The following AFF3 variants were observed in gnomAD, a reference collection of about 807,000 sequenced individuals.
AFF3 encodes the protein AF4/FMR2 family member 3.
A neutral mutation model predicts 129.7 loss-of-function variants in AFF3; 32 were observed. The ratio of observed to expected loss-of-function variants is 0.25; its 90% CI spans 0.19 to 0.33. The LOEUF (loss-of-function observed/expected upper bound fraction) is 0.33, where lower values mean the gene tolerates loss of function less well. Ranked by LOEUF, AFF3 falls within the 10% of genes least tolerant of loss-of-function variation. AFF3 has a pLI of 1.00. For synonymous variants in AFF3, 644 were observed against 635.4 expected, an observed-to-expected ratio of 1.01 and a Z score of -0.20; for missense variants, 1,373 against 1,592.0, an observed-to-expected ratio of 0.86 and a Z score of 2.34.
chr2:99,707,948 C>T (rs944654051), intron 11 of AFF3, among the ~76,000 whole-genome samples: 3 of 152,042 alleles, frequency 2.0e-5, no homozygotes, highest in African/African-American at 4.8e-5. Context: ...AATTTAAAGT[C>T]CGGTTGGTGG....
intron 4 of AFF3, among the ~76,000 whole-genome samples, chr2:100,065,358 T>C (rs1199360722): frequency 6.6e-6 from 1 of 152,242 alleles, no homozygotes; most frequent in Non-Finnish European, 1.5e-5. Flanking sequence ...CACTTCATTA[T>C]TTATTGTTAA....
intron 4 of AFF3, among the ~76,000 whole-genome samples, chr2:100,090,991 A>G (rs1288111357): frequency 6.6e-6 from 1 of 152,172 alleles, no homozygotes; most frequent in Non-Finnish European, 1.5e-5. Context: ...CGCCCAGCCT[A>G]TATCACATAT....
chr2:99,734,866 G>T (rs1258120326), intron 10 of AFF3, among the ~76,000 whole-genome samples: 1 of 151,984 alleles, frequency 6.6e-6, no homozygotes, highest in Non-Finnish European at 1.5e-5. Flanking sequence ...TGATATCAAG[G>T]TTATACTGCC....
intron 13 of AFF3, among the ~76,000 whole-genome samples, chr2:99,632,402 T>A (rs1683207889): frequency 6.6e-6 from 1 of 152,136 alleles, no homozygotes. Flanking sequence ...ATACGATATC[T>A]CACTGTGGTT....
intron 2 of AFF3, among the ~76,000 whole-genome samples, chr2:100,115,027 G>A (rs1485064345): frequency 6.6e-6 from 1 of 152,156 alleles, no homozygotes; most frequent in Non-Finnish European, 1.5e-5. Flanking sequence ...TATGCAAGGT[G>A]ATGATCAAGA....
intron 14 of AFF3, among the ~76,000 whole-genome samples, chr2:99,596,187 C>T (rs573899187): frequency 1.3e-5 from 2 of 152,178 alleles, no homozygotes; most frequent in Non-Finnish European, 2.9e-5. Context: ...GGTTTTTGTA[C>T]CTCTGAGTTC....
intron 7 of AFF3, among the ~76,000 whole-genome samples, chr2:99,865,777 G>A (rs568319757): frequency 2.0e-5 from 3 of 152,340 alleles, no homozygotes; most frequent in South Asian, 2.1e-4. Flanking sequence ...GAGGAATACA[G>A]GAAGTCACTG....
At chr2:100,111,252 C>T (rs1053802322) in intron 2 of AFF3, among the ~76,000 whole-genome samples, 33 of 152,334 alleles carry the variant, frequency 2.2e-4, no homozygotes, top group Admixed American at 6.5e-5. Flanking sequence ...AAATGTGCCC[C>T]GCACATTGCC....
chr2:99,555,269 A>G (rs1674804705), intron 22 of AFF3, among the ~76,000 whole-genome samples: 1 of 152,220 alleles, frequency 6.6e-6, no homozygotes, highest in Admixed American at 6.5e-5. Context: ...GAACACCCTC[A>G]TATCTCCCCT....
At position 99,905,036 on chromosome 2, in the gene AFF3, G is replaced by T. The variant is rs1439184601; in HGVS notation, c.874-67512C>A. On this transcript the variant is annotated intron_variant, in intron 7 of 24. Coordinates refer to ENST00000672756, the MANE Select transcript of AFF3 (RefSeq NM_001386135.1). ...CTTCCTCCTCATGCCAGACTTTGTG[G>T]CCTTCTCCTCTGTGGCTGTCACTCC... is the stretch of plus-strand genomic sequence containing the variant. Among the ~76,000 whole-genome samples the T allele has an allele frequency of 2.0e-5, 3 of 152,016 alleles. 1 individual carries two copies. The highest frequency in any genetic ancestry group is 4.4e-5 in the Non-Finnish European group (3 of 68,004).
At chr2:99,754,190 G>T (rs1681903959) in intron 8 of AFF3, among the ~76,000 whole-genome samples, 1 of 152,144 alleles carries the variant, frequency 6.6e-6, no homozygotes, top group Non-Finnish European at 1.5e-5. Context: ...ATGTGATTTT[G>T]CTATAAGTGG....
At chr2:100,040,862 C>A (rs1452595754) in intron 4 of AFF3, among the ~76,000 whole-genome samples, 4 of 152,218 alleles carry the variant, frequency 2.6e-5, no homozygotes, top group Non-Finnish European at 5.9e-5. Context: ...CTGGCTGCAC[C>A]CTCCAAGGAG....
chr2:99,771,413 GA>G (rs11324032), intron 8 of AFF3, among the ~76,000 whole-genome samples: 115,651 of 142,200 alleles, frequency 0.81, 46,480 homozygotes, highest in East Asian at 0.91. Flanking sequence ...AAATGAAGAA[GA>G]AAAAAAAAAA....
At chr2:99,587,467 C>T (rs72817023) in intron 15 of AFF3, among the ~76,000 whole-genome samples, 189 bp from the exon 16 acceptor site, 66 of 152,298 alleles carry the variant, frequency 4.3e-4, no homozygotes, top group Non-Finnish European at 8.1e-4. Context: ...AGGATGAAAT[C>T]TGTCAGTTTT....
At chr2:100,103,156 A>T (rs1690873244) in intron 4 of AFF3, among the ~76,000 whole-genome samples, 1 of 152,208 alleles carries the variant, frequency 6.6e-6, no homozygotes, top group African/African-American at 2.4e-5. Context: ...CTTTAGGAAA[A>T]TAAAAGTCAC....
At chr2:100,056,529 C>A (rs1002013248) in intron 4 of AFF3, among the ~76,000 whole-genome samples, 2 of 152,194 alleles carry the variant, frequency 1.3e-5, no homozygotes, top group African/African-American at 4.8e-5. Context: ...ACAATCACAT[C>A]TGCAAGTTCC....
intron 20 of AFF3, among the ~76,000 whole-genome samples, chr2:99,563,757 C>T (rs1675703547): frequency 7.9e-6 from 1 of 127,042 alleles, no homozygotes; most frequent in Non-Finnish European, 1.6e-5. Context: ...TTGTGGTGAG[C>T]TGAGATTGTG....
intron 4 of AFF3, among the ~76,000 whole-genome samples, chr2:100,066,280 A>C (rs1687707957): frequency 6.6e-6 from 1 of 152,220 alleles, no homozygotes; most frequent in African/African-American, 2.4e-5. Flanking sequence ...TCCATATGAC[A>C]TTAAGCTATA....
Position 99,563,902 on chromosome 2 carries a change from G to A in AFF3, c.3119+1585C>T, listed in dbSNP as rs772966546. On this transcript the variant is annotated intron_variant, in intron 20 of 24. Coordinates refer to ENST00000672756, the MANE Select transcript of AFF3 (RefSeq NM_001386135.1). ...TCTCTGTATTTTGCGTGATTCTATC[G>A]ATTCTGAAGTATCTAGAAGGTGGAC... Among the ~76,000 whole-genome samples, 7 of 151,182 alleles carry A rather than the reference G, an allele frequency of 4.6e-5. No individual in the cohort carries two copies. The East Asian group carries it at 7.8e-4, about 17-fold the overall frequency.
Sources: allele counts gnomAD v4.1 joint callset (sites outside exome capture counted in the v4.1 genomes callset), GRCh38; gene constraint gnomAD v4.1.1; transcripts MANE v1.5; gene names NCBI Gene and HGNC (gene_info 2026-07-23, HGNC 2026-07-21).